CDH13: variants seen among roughly 807,000 people sequenced by gnomAD.
CDH13 encodes cadherin 13, also known as cadherin-13.
Under a neutral mutation model 63.8 loss-of-function variants are expected in CDH13, and 24 were observed. The observed-to-expected ratio is 0.38, with a 90% CI of 0.27 to 0.53. The LOEUF is 0.53. CDH13 is among the 20% of genes least tolerant of loss of function. CDH13 has a pLI of 0.85. For missense variants in CDH13, 1,049 were observed against 903.1 expected, an observed-to-expected ratio of 1.16 and a Z score of -2.07; for synonymous variants, 503 against 355.3, an observed-to-expected ratio of 1.42 and a Z score of -4.67.
intron 10 of CDH13, among the ~76,000 whole-genome samples, chr16:83,684,930 A>G (rs1214654270): frequency 6.6e-6 from 1 of 152,114 alleles, no homozygotes; most frequent in Non-Finnish European, 1.5e-5. Flanking sequence ...ATGACAGTTC[A>G]GGGACAGTGG....
In CDH13 at chr16:82,712,697, C is replaced by T. The variant is rs547773665; in HGVS notation, c.45+85560C>T. 9.2e-5 allele frequency among the ~76,000 whole-genome samples: 14 copies of T among 152,282 alleles called. No homozygotes were observed. The South Asian group carries it at 2.7e-3, about 29-fold the overall frequency. On this transcript the variant is annotated intron_variant, in intron 1 of 13. Transcript: ENST00000567109. ...GTTTTCGTCAGGCCCCCTGAAGCCG[C>T]AGCTGAGATGGCTGACTCCCTGAAC...
intron 5 of CDH13, among the ~76,000 whole-genome samples, chr16:83,249,683 TC>T (rs1201116960): frequency 6.6e-6 from 1 of 152,186 alleles, no homozygotes; most frequent in Non-Finnish European, 1.5e-5. Context: ...GGGGTATTTT[TC>T]CCCATATTAG....
chr16:83,793,805 C>T (rs1018409290), intron 13 of CDH13, among the ~76,000 whole-genome samples: 1 of 122,936 alleles, frequency 8.1e-6, no homozygotes, highest in Non-Finnish European at 1.7e-5. Flanking sequence ...AAGTGAGACT[C>T]TGTCTCTAAA....
intron 6 of CDH13, among the ~76,000 whole-genome samples, chr16:83,416,381 A>G (rs2071550348): frequency 6.6e-6 from 1 of 152,196 alleles, no homozygotes; most frequent in Non-Finnish European, 1.5e-5. Flanking sequence ...AGAAATAGGA[A>G]ACTCAGTGGA....
chr16:82,995,391 C>G (rs892260678), intron 2 of CDH13, among the ~76,000 whole-genome samples: 2 of 152,304 alleles, frequency 1.3e-5, no homozygotes, highest in Admixed American at 1.3e-4. Context: ...CACATTAATC[C>G]ATGCCTTTGA....
In CDH13 at chr16:83,018,567, A is replaced by G. The variant is rs868274770; in HGVS notation, c.158-13443A>G. Reference sequence around the variant, plus strand: ...CATTATTTCACCCAGAAGGAACTAGATCTTCCAAATGGTAACCTGAATTGC... The same window carrying G: ...CATTATTTCACCCAGAAGGAACTAGGTCTTCCAAATGGTAACCTGAATTGC... On this transcript the variant is annotated intron_variant, in intron 2 of 13. Coordinates refer to ENST00000567109, the MANE Select transcript of CDH13 (RefSeq NM_001257.5). 4.6e-5 allele frequency among the ~76,000 whole-genome samples: 7 copies of G among 152,334 alleles called. No individual in the cohort carries two copies. The South Asian group carries it at 1.5e-3, about 32-fold the overall frequency.
intron 10 of CDH13, among the ~76,000 whole-genome samples, chr16:83,743,702 A>T (rs1255465597): frequency 2.7e-5 from 4 of 146,580 alleles, no homozygotes; most frequent in Non-Finnish European, 6.0e-5. Flanking sequence ...TCACTCCTGG[A>T]TCAACAGGAA....
chr16:83,618,255 T>C (rs1487919942), intron 8 of CDH13, among the ~76,000 whole-genome samples: 1 of 151,994 alleles, frequency 6.6e-6, no homozygotes, highest in Non-Finnish European at 1.5e-5. Context: ...TGAAACCTTG[T>C]CTCTACTAAA....
At chr16:83,180,721 A>T in intron 4 of CDH13, 1 of 622,268 alleles carries the variant, frequency 1.6e-6, no homozygotes, top group Non-Finnish European at 2.8e-6. Context: ...TATGCATGCC[A>T]ATTTTAATTC....
intron 4 of CDH13, among the ~76,000 whole-genome samples, chr16:83,137,142 G>A (rs891095740): frequency 1.1e-4 from 16 of 152,328 alleles, no homozygotes; most frequent in African/African-American, 3.8e-4. Context: ...ACACCCACCT[G>A]TTCACCCCGG....
intron 2 of CDH13, among the ~76,000 whole-genome samples, chr16:82,862,584 C>A (rs949685989): frequency 2.0e-5 from 3 of 151,986 alleles, no homozygotes; most frequent in Admixed American, 6.6e-5. Context: ...CTTGTTCATT[C>A]TTTATGGGTC....
At chr16:83,127,145 T>C (rs758095278) in intron 4 of CDH13, among the ~76,000 whole-genome samples, 10 of 152,098 alleles carry the variant, frequency 6.6e-5, no homozygotes, top group Non-Finnish European at 1.5e-4. Context: ...GAATAGCATG[T>C]AGTAGAGTCG....
intron 2 of CDH13, among the ~76,000 whole-genome samples, chr16:82,982,322 C>T (rs1910378571): frequency 6.6e-6 from 1 of 152,010 alleles, no homozygotes; most frequent in Non-Finnish European, 1.5e-5. Context: ...TTCCAATATT[C>T]TGCTTTTAGA....
chr16:82,890,359 C>A (rs1196601610), intron 2 of CDH13, among the ~76,000 whole-genome samples: 6 of 152,170 alleles, frequency 3.9e-5, no homozygotes, highest in African/African-American at 7.2e-5. Context: ...AGTTTGATCA[C>A]TCACCACCAT....
At chr16:82,944,165 G>A (rs1021575948) in intron 2 of CDH13, among the ~76,000 whole-genome samples, 2 of 152,136 alleles carry the variant, frequency 1.3e-5, no homozygotes, top group African/African-American at 4.8e-5. Context: ...AGAATACAAG[G>A]CAAACCACAC....
chr16:83,428,894 C>T (rs1055706133), intron 6 of CDH13, among the ~76,000 whole-genome samples: 3 of 152,340 alleles, frequency 2.0e-5, no homozygotes, highest in African/African-American at 7.2e-5. Context: ...GTTAAAATAA[C>T]TGTTGCACTG....
intron 6 of CDH13, among the ~76,000 whole-genome samples, chr16:83,377,029 C>T (rs1332686938): frequency 6.6e-6 from 1 of 152,050 alleles, no homozygotes; most frequent in Non-Finnish European, 1.5e-5. Context: ...AGGAGTGAAG[C>T]ACTATTCATG....
chr16:83,603,824 G>T (rs901968438), intron 8 of CDH13, among the ~76,000 whole-genome samples: 1 of 152,168 alleles, frequency 6.6e-6, no homozygotes, highest in African/African-American at 2.4e-5. Context: ...TCATGATTCT[G>T]CAAGCTGTAC....
At position 83,016,413 on chromosome 16, in the gene CDH13, A is replaced by G. The variant is rs115896908; in HGVS notation, c.158-15597A>G. On this transcript the variant is annotated intron_variant, in intron 2 of 13. Transcript: ENST00000567109. ...GTCTGCTAATATTTTTTGATTGCCAACTCTCTTCTAGGGCTAGCACCAAGC... is the reference window on the plus strand; with the variant it reads ...GTCTGCTAATATTTTTTGATTGCCAGCTCTCTTCTAGGGCTAGCACCAAGC... Among the ~76,000 whole-genome samples, 10 of 152,286 alleles carry G rather than the reference A, an allele frequency of 6.6e-5. 1 individual carries two copies. The South Asian group carries it at 2.1e-3, about 32-fold the overall frequency.
Sources: allele counts gnomAD v4.1 joint callset (sites outside exome capture counted in the v4.1 genomes callset), GRCh38; gene constraint gnomAD v4.1.1; transcripts MANE v1.5; gene names NCBI Gene and HGNC (gene_info 2026-07-23, HGNC 2026-07-21).